HDAC4: variants seen among roughly 807,000 people sequenced by gnomAD.
The protein encoded by HDAC4 is histone deacetylase A.
A neutral mutation model predicts 135.1 loss-of-function variants in HDAC4; 16 were observed. That is an observed-to-expected ratio of 0.12 (90% confidence interval 0.08 to 0.18). The LOEUF (loss-of-function observed/expected upper bound fraction) is 0.18. HDAC4 is among the 10% of genes least tolerant of loss of function. HDAC4 has a pLI of 1.00. For synonymous variants in HDAC4, 685 were observed against 653.4 expected (o/e 1.05, Z -0.74); for missense variants, 1,143 against 1,511.8 (o/e 0.76, Z 4.05).
intron 1 of HDAC4, among the ~76,000 whole-genome samples, chr2:239,357,023 C>T (rs1693530589): frequency 6.6e-6 from 1 of 152,130 alleles, no homozygotes; most frequent in African/African-American, 2.4e-5. Context: ...CCCAACTTGA[C>T]CAAAATGACA....
intron 1 of HDAC4, among the ~76,000 whole-genome samples, chr2:239,376,684 C>A (rs2126033812): frequency 6.6e-6 from 1 of 152,346 alleles, no homozygotes; most frequent in East Asian, 1.9e-4. Flanking sequence ...TTAGTTCAGA[C>A]CGTGTGTTCC....
intron 25 of HDAC4, among the ~76,000 whole-genome samples, chr2:239,053,822 C>T (rs976431708): frequency 1.4e-4 from 21 of 152,192 alleles, no homozygotes; most frequent in Non-Finnish European, 2.6e-4. Flanking sequence ...GTGAGTGGCT[C>T]GAGTCCCTCC....
chr2:239,073,258 T>C (rs548108312), intron 22 of HDAC4, among the ~76,000 whole-genome samples: 2 of 152,340 alleles, frequency 1.3e-5, no homozygotes, highest in Admixed American at 1.3e-4. Context: ...CAATTTCCCC[T>C]AGACCTGCCT....
intron 8 of HDAC4, chr2:239,140,918 T>C (rs750163396): frequency 6.5e-6 from 3 of 460,124 alleles, no homozygotes; most frequent in Non-Finnish European, 1.4e-5. Flanking sequence ...TCTGCAAATA[T>C]AGCCCCGAGC....
rs185356224 is a variant in HDAC4, at chr2:239,310,060, C to T, written c.22+42618G>A. 7.9e-4 allele frequency among the ~76,000 whole-genome samples: 121 copies of T among 152,360 alleles called. 1 individual carries two copies. Among genetic ancestry groups the T allele is most frequent in the African/African-American group, 2.7e-3 (114 of 41,588 alleles). The stretch of plus-strand genomic sequence containing the variant: ...GTTAGCCGTCCAGTTAGGGAACCCA[C>T]TAAGGGGCTCTGTGCGTAGAGGTGC... On this transcript the variant is annotated intron_variant, in intron 2 of 26. Transcript: ENST00000543185.
rs374447880 is a variant in HDAC4, at chr2:239,066,899, C to T, written c.2870-44G>A. On this transcript the variant is annotated intron_variant, in intron 23 of 26. Coordinates refer to ENST00000543185, the MANE Select transcript of HDAC4 (RefSeq NM_001378414.1). ...GACTGCAGTGTGAACGGGGGAGGAC[C>T]GCAGCCAGCACAGCCCAGAAACGCG... The T allele has an allele frequency of 9.2e-5, 147 of 1,596,880 alleles. No homozygotes were observed. The Admixed American group carries it at 2.5e-3, about 27-fold the overall frequency.
intron 11 of HDAC4, among the ~76,000 whole-genome samples, chr2:239,129,729 C>G (rs922034527): frequency 6.6e-6 from 1 of 152,196 alleles, no homozygotes; most frequent in Non-Finnish European, 1.5e-5. Flanking sequence ...GCCAGCTCCC[C>G]TGGAAGTCCA....
intron 3 of HDAC4, among the ~76,000 whole-genome samples, chr2:239,193,760 C>A (rs2045173653): frequency 6.6e-6 from 1 of 152,266 alleles, no homozygotes; most frequent in South Asian, 2.1e-4. Context: ...GCAGGCTCTG[C>A]ACACCCAAGG....
intron 3 of HDAC4, among the ~76,000 whole-genome samples, chr2:239,206,254 G>T (rs2046037929): frequency 6.6e-6 from 1 of 152,180 alleles, no homozygotes; most frequent in African/African-American, 2.4e-5. Context: ...CCTGAGCGTG[G>T]GAGGCAGAGG....
chr2:239,315,871 T>A (rs1279977527), intron 2 of HDAC4, among the ~76,000 whole-genome samples: 1 of 151,876 alleles, frequency 6.6e-6, no homozygotes, highest in African/African-American at 2.4e-5. Context: ...AGATGCAATT[T>A]AAAAAAAACA....
chr2:239,111,261 TGGA>T (rs2038644212), intron 14 of HDAC4, among the ~76,000 whole-genome samples: 1 of 152,186 alleles, frequency 6.6e-6, no homozygotes, highest in Non-Finnish European at 1.5e-5. Context: ...GGACTGTTCT[TGGA>T]GGAGACCATG....
intron 11 of HDAC4, among the ~76,000 whole-genome samples, chr2:239,128,644 T>C (rs2040362069): frequency 6.6e-6 from 1 of 152,236 alleles, no homozygotes. Flanking sequence ...AAAGCTGCTT[T>C]CAGGGGACGC....
intron 2 of HDAC4, among the ~76,000 whole-genome samples, chr2:239,263,570 A>G (rs2049517995): frequency 6.6e-6 from 1 of 152,102 alleles, no homozygotes; most frequent in Admixed American, 6.5e-5. Flanking sequence ...TGTCAAGGAC[A>G]GGGGCAAGGG....
intron 1 of HDAC4, among the ~76,000 whole-genome samples, chr2:239,368,202 G>A (rs6749737): frequency 1.3e-5 from 2 of 152,086 alleles, no homozygotes; most frequent in African/African-American, 2.4e-5. Context: ...GAAGGGCTCC[G>A]GAGTTTGAGA....
intron 2 of HDAC4, among the ~76,000 whole-genome samples, chr2:239,277,586 C>A (rs2050442762): frequency 6.6e-6 from 1 of 152,222 alleles, no homozygotes; most frequent in Non-Finnish European, 1.5e-5. Context: ...CACAAGCTCA[C>A]CGGACATGTG....
rs73100733 is a variant in HDAC4, at chr2:239,264,661, C to T, written c.23-27997G>A. Among the ~76,000 whole-genome samples the T allele has an allele frequency of 4.5e-3, 688 of 152,270 alleles. 7 individuals carry two copies. The highest frequency in any genetic ancestry group is 0.016 in the African/African-American group (656 of 41,552). On this transcript the variant is annotated intron_variant, in intron 2 of 26. Coordinates refer to ENST00000543185, the MANE Select transcript of HDAC4 (RefSeq NM_001378414.1). ...AGGTTGAGGAAGCTGATGCAACAGT[C>T]GAAGAATAGATCAGCCTTCCTGGGT... is the stretch of plus-strand genomic sequence containing the variant.
chr2:239,162,201 G>C (rs571212272), intron 6 of HDAC4: 1 of 456,602 alleles, frequency 2.2e-6, no homozygotes, highest in African/African-American at 2.0e-5. Flanking sequence ...AGGGCTGCCC[G>C]TGCTTGCCCC....
At chr2:239,059,308 A>T (rs2032324968) in intron 24 of HDAC4, among the ~76,000 whole-genome samples, 1 of 152,252 alleles carries the variant, frequency 6.6e-6, no homozygotes, top group Admixed American at 6.5e-5. Context: ...AGAAGGAAAG[A>T]AGATAGATGG....
At chr2:239,317,965 A>C (rs1468489750) in intron 2 of HDAC4, among the ~76,000 whole-genome samples, 1 of 151,758 alleles carries the variant, frequency 6.6e-6, no homozygotes, top group Non-Finnish European at 1.5e-5. Flanking sequence ...ATTTCACTTA[A>C]AAGTCAGTTT....
Sources: gnomAD v4.1 joint callset for allele counts (sites outside exome capture counted in the v4.1 genomes callset) on GRCh38, gnomAD v4.1.1 for gene constraint, MANE v1.5 for transcripts, NCBI Gene and HGNC (gene_info 2026-07-23, HGNC 2026-07-21) for gene names.